DAB1: variants seen among roughly 807,000 people sequenced by gnomAD.
DAB1 encodes the protein DAB adaptor protein 1, also known as disabled homolog 1.
In DAB1, 15 loss-of-function variants were observed where a neutral mutation model predicts 64.6. The ratio of observed to expected loss-of-function variants is 0.23; its 90% confidence interval spans 0.16 to 0.36. DAB1 has a LOEUF of 0.36. Ranked by LOEUF, DAB1 falls within the 10% of genes least tolerant of loss-of-function variation. DAB1 has a pLI of 1.00. For synonymous variants in DAB1, 235 were observed against 251.9 expected (o/e 0.93, Z 0.64); for missense variants, 596 against 706.7 (o/e 0.84, Z 1.78).
intron 7 of DAB1, among the ~76,000 whole-genome samples, chr1:57,590,778 A>T (rs923329570): frequency 7.3e-6 from 1 of 136,094 alleles, no homozygotes; most frequent in Non-Finnish European, 1.6e-5. Flanking sequence ...ACACACACAC[A>T]CACACCCCAC....
intron 7 of DAB1, among the ~76,000 whole-genome samples, chr1:57,554,471 CTTGT>C (rs905957738): frequency 6.6e-6 from 1 of 152,182 alleles, no homozygotes; most frequent in Non-Finnish European, 1.5e-5. Flanking sequence ...AATACACTAA[CTTGT>C]TTGTGTTGTT....
chr1:57,715,687 T>A (rs920307461), intron 6 of DAB1, among the ~76,000 whole-genome samples: 28 of 152,136 alleles, frequency 1.8e-4, no homozygotes, highest in African/African-American at 6.7e-4. Flanking sequence ...ATCCCATTTA[T>A]AATAGTTACC....
At chr1:57,468,417 A>C (rs1687027225) in intron 7 of DAB1, among the ~76,000 whole-genome samples, 1 of 152,188 alleles carries the variant, frequency 6.6e-6, no homozygotes, top group South Asian at 2.1e-4. Context: ...TAGAATGGTA[A>C]ATGTATTTTT....
At chr1:57,029,525 A>T (rs752733349) in intron 9 of DAB1, among the ~76,000 whole-genome samples, 3 of 151,270 alleles carry the variant, frequency 2.0e-5, no homozygotes, top group Non-Finnish European at 1.5e-5. Flanking sequence ...AGCTTGTACC[A>T]TGAGCCTGGA....
At chr1:58,164,739 A>G (rs1299756274) in intron 4 of DAB1, among the ~76,000 whole-genome samples, 2 of 152,146 alleles carry the variant, frequency 1.3e-5, no homozygotes, top group African/African-American at 4.8e-5. Context: ...CTCTAACACA[A>G]TAGAATAAAA....
At chr1:57,303,164 A>G (rs940075279) in intron 1 of DAB1, among the ~76,000 whole-genome samples, 17 of 152,204 alleles carry the variant, frequency 1.1e-4, no homozygotes, top group Admixed American at 8.5e-4. Flanking sequence ...AGAAGAGACC[A>G]GAGAGATCCT....
intron 5 of DAB1, among the ~76,000 whole-genome samples, chr1:58,026,791 T>C (rs1210355502): frequency 6.6e-6 from 1 of 152,226 alleles, no homozygotes; most frequent in Non-Finnish European, 1.5e-5. Flanking sequence ...TTTGTGTATA[T>C]GCTCTGTTTC....
At chr1:57,933,523 A>G (rs1320164121) in intron 5 of DAB1, among the ~76,000 whole-genome samples, 2 of 152,144 alleles carry the variant, frequency 1.3e-5, no homozygotes, top group Non-Finnish European at 2.9e-5. Context: ...ACTCAGCATA[A>G]TATTTTTGAG....
At chr1:58,307,491 G>A (rs1662333949) in intron 4 of DAB1, among the ~76,000 whole-genome samples, 1 of 152,148 alleles carries the variant, frequency 6.6e-6, no homozygotes, top group Admixed American at 6.6e-5. Context: ...CTGGGGGACT[G>A]GTGTCAGAAT....
At chr1:58,346,549 T>C (rs1643999020) in intron 3 of DAB1, among the ~76,000 whole-genome samples, 1 of 152,196 alleles carries the variant, frequency 6.6e-6, no homozygotes, top group Non-Finnish European at 1.5e-5. Context: ...AGTAATCTTC[T>C]TCAGAAATGT....
At chr1:57,617,969 A>AG (rs1645808534) in intron 7 of DAB1, among the ~76,000 whole-genome samples, 1 of 152,312 alleles carries the variant, frequency 6.6e-6, no homozygotes, top group East Asian at 1.9e-4. Flanking sequence ...CTTACAAATA[A>AG]GGGACTATGA....
chr1:57,876,525 A>T (rs1644049778), intron 1 of DAB1: 1 of 152,190 alleles, frequency 6.6e-6, no homozygotes, highest in Non-Finnish European at 1.5e-5. Context: ...TCAGGACTTC[A>T]TGTTGAAGCA....
chr1:57,923,650 AG>A (rs60734967), intron 5 of DAB1, among the ~76,000 whole-genome samples: 1 of 152,218 alleles, frequency 6.6e-6, no homozygotes, highest in African/African-American at 2.4e-5. Context: ...GAATGAATGA[AG>A]GAAGGAACAA....
At chr1:58,343,201 C>A (rs549429381) in intron 4 of DAB1, among the ~76,000 whole-genome samples, 1 of 151,686 alleles carries the variant, frequency 6.6e-6, no homozygotes, top group African/African-American at 2.4e-5. Flanking sequence ...GTTTTCTCTA[C>A]CACTGGGATG....
At chr1:57,936,295 A>T (rs1483718399) in intron 5 of DAB1, among the ~76,000 whole-genome samples, 1 of 152,210 alleles carries the variant, frequency 6.6e-6, no homozygotes, top group Non-Finnish European at 1.5e-5. Context: ...TGATCCATTC[A>T]TCTGCCTCCC....
chr1:57,170,658 G>A lies in DAB1; in HGVS notation c.68-25229C>T, dbSNP rs1857740. 9.7e-3 allele frequency among the ~76,000 whole-genome samples: 1,484 copies of A among 152,214 alleles called. 24 individuals carry two copies. Among genetic ancestry groups the A allele is most frequent in the African/African-American group, 0.034 (1,399 of 41,524 alleles). ...TGGAATGCAGGTCTCTGAGTCCAAC[G>A]TCCGTGCTCTCTGATATGGCTCCAT... On this transcript the variant is annotated intron_variant, in intron 2 of 14. Transcript: ENST00000371236.
intron 7 of DAB1, among the ~76,000 whole-genome samples, chr1:57,647,281 C>G (rs1646203630): frequency 6.6e-6 from 1 of 152,166 alleles, no homozygotes. Flanking sequence ...ATCGCCTCCA[C>G]TACCTTCAGC....
At chr1:57,796,377 A>G (rs1467975815) in intron 6 of DAB1, among the ~76,000 whole-genome samples, 1 of 151,966 alleles carries the variant, frequency 6.6e-6, no homozygotes, top group Non-Finnish European at 1.5e-5. Flanking sequence ...AATACAAAAA[A>G]TTAGCCAGGC....
At chr1:57,638,305 T>C (rs1179490816) in intron 7 of DAB1, among the ~76,000 whole-genome samples, 2 of 152,196 alleles carry the variant, frequency 1.3e-5, no homozygotes, top group Non-Finnish European at 2.9e-5. Flanking sequence ...ATAACTTTAT[T>C]AGAGTTAAAT....
Sources: gnomAD v4.1 joint callset for allele counts (sites outside exome capture counted in the v4.1 genomes callset) on GRCh38, gnomAD v4.1.1 for gene constraint, MANE v1.5 for transcripts, NCBI Gene and HGNC (gene_info 2026-07-23, HGNC 2026-07-21) for gene names.